Variants in PCDHA4 observed in about 807,000 individuals in gnomAD.
The protein encoded by PCDHA4 is protocadherin alpha 4.
In PCDHA4, 49 loss-of-function variants were observed where a neutral mutation model predicts 61.4. The observed-to-expected ratio is 0.80, with a 90% CI of 0.63 to 1.01. PCDHA4 has a LOEUF of 1.01. Ranked by LOEUF, PCDHA4 falls within the 50% of genes least tolerant of loss-of-function variation. The pLI is 0.00. For synonymous variants in PCDHA4, 590 were observed against 550.3 expected (o/e 1.07, Z -1.01); for missense variants, 1,254 against 1,235.8 (o/e 1.01, Z -0.22).
intron 1 of PCDHA4, chr5:140,929,001 G>A (rs782325865): frequency 6.2e-7 from 1 of 1,613,996 alleles, no homozygotes; most frequent in East Asian, 2.2e-5. Context: ...TTTTCTTCGT[G>A]TGTACCAAGT....
intron 1 of PCDHA4, among the ~76,000 whole-genome samples, chr5:140,943,257 CAAAAAAAAAAA>C (rs1238620023): frequency 1.3e-5 from 1 of 77,574 alleles, no homozygotes. Flanking sequence ...GACTCTGTCT[CAAAAAAAAAAA>C]AAAAAAAAAG....
At chr5:140,880,748 G>T (rs950550579) in intron 1 of PCDHA4, among the ~76,000 whole-genome samples, 10 of 152,220 alleles carry the variant, frequency 6.6e-5, no homozygotes, top group Non-Finnish European at 1.2e-4. Flanking sequence ...GATTGTCAGT[G>T]TAACTGCGTG....
At chr5:140,894,256 A>G (rs1554186008) in intron 1 of PCDHA4, among the ~76,000 whole-genome samples, 1 of 152,010 alleles carries the variant, frequency 6.6e-6, no homozygotes, top group African/African-American at 2.4e-5. Context: ...TTTTCTTTAC[A>G]AGTGGTAGCT....
At chr5:140,876,567 G>A (rs782286416) in intron 1 of PCDHA4, 1 of 1,614,186 alleles carries the variant, frequency 6.2e-7, no homozygotes, top group Non-Finnish European at 8.5e-7. Context: ...ATGCTCAGGT[G>A]GGTACCGTCA....
At chr5:140,828,682 G>T (rs1562298994) in intron 1 of PCDHA4, 1 of 1,614,236 alleles carries the variant, frequency 6.2e-7, no homozygotes, top group Non-Finnish European at 8.5e-7. Context: ...TCTTATTAAA[G>T]AAATCCTTGG....
intron 1 of PCDHA4, chr5:140,882,139 A>G (rs1185324508): frequency 6.0e-6 from 9 of 1,489,890 alleles, no homozygotes; most frequent in South Asian, 4.2e-5. Context: ...TGCAGAAAAT[A>G]TAGCAGAAAG....
chr5:140,858,618 C>T (rs781842612), intron 1 of PCDHA4: 2 of 1,160,992 alleles, frequency 1.7e-6, no homozygotes, highest in South Asian at 1.6e-5. Context: ...TTTTATCCTA[C>T]CCAGTGTGTC....
intron 1 of PCDHA4, chr5:140,869,694 G>A (rs782372405): frequency 6.2e-7 from 1 of 1,613,394 alleles, no homozygotes; most frequent in Non-Finnish European, 8.5e-7. Flanking sequence ...TTATTTTAAA[G>A]AAGTCTCTGG....
chr5:140,870,317 C>G lies in PCDHA4; in HGVS notation c.2385+60745C>G, dbSNP rs782216904. On this transcript the variant is annotated intron_variant, in intron 1 of 3. Coordinates refer to ENST00000530339, the MANE Select transcript of PCDHA4 (RefSeq NM_018907.4). ...GTGTCCACCTTCAAGAATTACTACT[C>G]GTTGGTGCTGGACAGCGCCCTGGAC... 122 of 1,614,080 alleles carry G rather than the reference C, an allele frequency of 7.6e-5. No individual in the cohort carries two copies. Among genetic ancestry groups the G allele is most frequent in the Non-Finnish European group, 1.0e-4 (120 of 1,180,036 alleles).
chr5:140,848,485 G>C (rs1386369016), intron 1 of PCDHA4: 1 of 1,573,026 alleles, frequency 6.4e-7, no homozygotes, highest in Non-Finnish European at 8.7e-7. Flanking sequence ...GAAGAAGACT[G>C]AGTATTTGAA....
intron 1 of PCDHA4, among the ~76,000 whole-genome samples, chr5:140,922,408 T>C (rs2080827805): frequency 6.6e-6 from 1 of 152,196 alleles, no homozygotes; most frequent in Non-Finnish European, 1.5e-5. Context: ...ATTAAAAAGA[T>C]CTAGGTACAG....
chr5:140,920,570 G>A (rs2153557888), intron 1 of PCDHA4, among the ~76,000 whole-genome samples: 1 of 152,186 alleles, frequency 6.6e-6, no homozygotes, highest in Non-Finnish European at 1.5e-5. Flanking sequence ...CTTAGGCCAG[G>A]AGCAGTGGCT....
At chr5:140,881,940 G>A (rs1273995753) in intron 1 of PCDHA4, 1 of 295,968 alleles carries the variant, frequency 3.4e-6, no homozygotes, top group Non-Finnish European at 6.2e-6. Flanking sequence ...TGCTGTTTCT[G>A]GGAAGGTAAA....
intron 1 of PCDHA4, among the ~76,000 whole-genome samples, chr5:140,873,132 A>G (rs2054118651): frequency 6.6e-6 from 1 of 152,212 alleles, no homozygotes; most frequent in Non-Finnish European, 1.5e-5. Flanking sequence ...CAAAGAGTCT[A>G]TGCTGAAGCC....
rs782491268 is a variant in PCDHA4 at position 140,857,317 on chromosome 5, G to T, written c.2385+47745G>T. 1.5e-5 allele frequency: 24 copies of T among 1,598,644 alleles called. 2 individuals carry two copies. The highest frequency in any genetic ancestry group is 1.9e-5 in the Non-Finnish European group (22 of 1,168,052). ...AGAGGGTGTCGGCCTATGAGCTGGTGGTGACCGCGCGGGACGGGGGCTCGC... is the reference window on the plus strand; with the variant it reads ...AGAGGGTGTCGGCCTATGAGCTGGTTGTGACCGCGCGGGACGGGGGCTCGC... On this transcript the variant is annotated intron_variant, in intron 1 of 3. Transcript: ENST00000530339.
chr5:140,836,230 C>T, intron 1 of PCDHA4: 5 of 1,613,786 alleles, frequency 3.1e-6, no homozygotes, highest in Non-Finnish European at 4.2e-6. Context: ...CCGGTGGCGG[C>T]CGGTGCGAGC....
chr5:140,842,933 C>A (rs1356851691), intron 1 of PCDHA4: 6 of 1,594,424 alleles, frequency 3.8e-6, no homozygotes, highest in Non-Finnish European at 4.3e-6. Context: ...GGTGAGCGCG[C>A]GCGACGCGGG....
At chr5:140,926,925 G>A (rs1554203816) in intron 1 of PCDHA4, 1 of 1,574,118 alleles carries the variant, frequency 6.4e-7, no homozygotes, top group Admixed American at 1.8e-5. Flanking sequence ...TTTTATGTTT[G>A]TGGGTTTCCT....
chr5:140,883,676 C>T lies in PCDHA4; in HGVS notation c.2385+74104C>T, dbSNP rs986680593. 6.2e-6 allele frequency: 10 copies of T among 1,613,792 alleles called. No homozygotes were observed. In the Admixed American group the frequency reaches 1.0e-4, roughly 16 times the overall value. On this transcript the variant is annotated intron_variant, in intron 1 of 3. Transcript: ENST00000530339. Reference sequence around the variant, plus strand: ...GGTGTTCGTGAAGGAAAACAATCCGCCGGGCTGCCACATCTTCACGGTGTC... The same window carrying T: ...GGTGTTCGTGAAGGAAAACAATCCGTCGGGCTGCCACATCTTCACGGTGTC...
Sources: gnomAD v4.1 joint callset for allele counts (sites outside exome capture counted in the v4.1 genomes callset) on GRCh38, gnomAD v4.1.1 for gene constraint, MANE v1.5 for transcripts, NCBI Gene and HGNC (gene_info 2026-07-23, HGNC 2026-07-21) for gene names.